The following PLXDC2 variants were observed in gnomAD, a reference collection of about 807,000 sequenced individuals.
PLXDC2 encodes plexin domain-containing protein 2.
PLXDC2 carries 40 observed loss-of-function variants against 68.9 expected under a neutral mutation model. The observed-to-expected ratio is 0.58, with a 90% CI of 0.45 to 0.76. The LOEUF (loss-of-function observed/expected upper bound fraction) is 0.76. PLXDC2 is among the 30% of genes least tolerant of loss of function. The pLI, the probability that PLXDC2 is intolerant of heterozygous loss-of-function variation, is 0.00. For synonymous variants in PLXDC2, 243 were observed against 234.2 expected (o/e 1.04, Z -0.34); for missense variants, 644 against 661.9 (o/e 0.97, Z 0.30).
chr10:20,036,935 C>G (rs1434509063), intron 2 of PLXDC2, among the ~76,000 whole-genome samples: 1 of 152,152 alleles, frequency 6.6e-6, no homozygotes, highest in Admixed American at 6.5e-5. Context: ...TAACTAGCTA[C>G]CTGTACTAGG....
intron 3 of PLXDC2, among the ~76,000 whole-genome samples, chr10:20,053,222 A>G (rs1338953476): frequency 6.6e-6 from 1 of 152,074 alleles, no homozygotes; most frequent in East Asian, 1.9e-4. Flanking sequence ...TGTATACTGG[A>G]ATTTGATTAC....
intron 1 of PLXDC2, among the ~76,000 whole-genome samples, chr10:19,859,186 A>T (rs74119763): frequency 6.6e-6 from 1 of 152,168 alleles, no homozygotes; most frequent in Admixed American, 6.5e-5. Flanking sequence ...AACACCTCCC[A>T]CCAGGCCCCA....
chr10:20,060,544 G>A (rs567347877), intron 3 of PLXDC2, among the ~76,000 whole-genome samples: 1 of 151,032 alleles, frequency 6.6e-6, no homozygotes, highest in Admixed American at 6.6e-5. Flanking sequence ...TGGGCGAGCA[G>A]GGGCCCCCTG....
intron 12 of PLXDC2, among the ~76,000 whole-genome samples, chr10:20,223,071 A>G (rs962283644): frequency 6.6e-6 from 1 of 152,090 alleles, no homozygotes; most frequent in African/African-American, 2.4e-5. Context: ...ATTGAATTGA[A>G]TGGTTGCTGT....
At chr10:20,221,110 T>G (rs11817883) in intron 12 of PLXDC2, among the ~76,000 whole-genome samples, 2,681 of 151,970 alleles carry the variant, frequency 0.018, 84 homozygotes, top group African/African-American at 0.06. Flanking sequence ...CCCAAAGTGC[T>G]GGGATTACAA....
intron 1 of PLXDC2, among the ~76,000 whole-genome samples, chr10:19,847,754 CG>C (rs1228959672): frequency 6.6e-6 from 1 of 152,156 alleles, no homozygotes; most frequent in Non-Finnish European, 1.5e-5. Flanking sequence ...AGGCAATTTA[CG>C]TGCATGATTA....
intron 10 of PLXDC2, among the ~76,000 whole-genome samples, chr10:20,214,877 G>A (rs973175093): frequency 3.3e-5 from 5 of 152,142 alleles, no homozygotes; most frequent in African/African-American, 1.2e-4. Flanking sequence ...TATATGGCAA[G>A]TTCCATTCTA....
rs1440087857 is a variant in PLXDC2, at chr10:20,282,503, C to T, written c.*2684C>T. On this transcript the variant is annotated 3_prime_UTR_variant, in exon 14 of 14. Coordinates refer to ENST00000377252, the MANE Select transcript of PLXDC2 (RefSeq NM_032812.9). ...TGGATAAATCAGATAAATGGTGCTA[C>T]AGAGGAATTTAGTTATTTCAGCTTA... 6.6e-6 allele frequency: 1 copy of T among 152,034 alleles called. No homozygotes were observed. Among genetic ancestry groups the T allele is most frequent in the Non-Finnish European group, 1.5e-5 (1 of 67,998 alleles). 9.4% of individuals were successfully genotyped at this position (152,034 alleles called of 1,614,324 possible). A position where few individuals can be genotyped will look rare whatever the true frequency, so the allele number is the denominator to read the frequency against.
At chr10:19,969,008 A>C (rs993099051) in intron 1 of PLXDC2, among the ~76,000 whole-genome samples, 1 of 152,256 alleles carries the variant, frequency 6.6e-6, no homozygotes, top group South Asian at 2.1e-4. Context: ...TGACATTTTT[A>C]ATAGCTGAAG....
chr10:20,124,074 A>G (rs953709211), intron 4 of PLXDC2, among the ~76,000 whole-genome samples: 1 of 152,096 alleles, frequency 6.6e-6, no homozygotes, highest in African/African-American at 2.4e-5. Flanking sequence ...CCCCTCCCAC[A>G]GAAAAGCGGA....
intron 9 of PLXDC2, among the ~76,000 whole-genome samples, chr10:20,184,042 G>T (rs1158736048): frequency 6.6e-6 from 1 of 151,536 alleles, no homozygotes; most frequent in Non-Finnish European, 1.5e-5. Flanking sequence ...AACAGAATAA[G>T]CCCCTCCTTA....
intron 3 of PLXDC2, among the ~76,000 whole-genome samples, chr10:20,065,046 T>A (rs1836180468): frequency 6.6e-6 from 1 of 152,132 alleles, no homozygotes; most frequent in Non-Finnish European, 1.5e-5. Flanking sequence ...CTTGAGCAAG[T>A]GCCATCTGGG....
At chr10:19,947,396 T>A (rs1469755282) in intron 1 of PLXDC2, among the ~76,000 whole-genome samples, 1 of 152,208 alleles carries the variant, frequency 6.6e-6, no homozygotes, top group Non-Finnish European at 1.5e-5. Context: ...GGCTATCAGG[T>A]TTGAATCCTG....
intron 2 of PLXDC2, among the ~76,000 whole-genome samples, chr10:20,012,114 T>C (rs1221985569): frequency 1.3e-5 from 2 of 152,150 alleles, no homozygotes; most frequent in Non-Finnish European, 2.9e-5. Flanking sequence ...GATAGGCCAT[T>C]ACAAATAGAG....
intron 1 of PLXDC2, among the ~76,000 whole-genome samples, chr10:20,001,160 A>G (rs1564652846): frequency 6.6e-6 from 1 of 152,164 alleles, no homozygotes; most frequent in Non-Finnish European, 1.5e-5. Context: ...ACAGATGAAC[A>G]AAAGTGCAGG....
chr10:20,098,036 T>A (rs1246935023), intron 4 of PLXDC2, among the ~76,000 whole-genome samples: 1 of 151,414 alleles, frequency 6.6e-6, no homozygotes, highest in Non-Finnish European at 1.5e-5. Flanking sequence ...ATATGGCGGA[T>A]ATAAAATATT....
intron 9 of PLXDC2, among the ~76,000 whole-genome samples, chr10:20,195,288 G>A (rs904482460): frequency 1.3e-5 from 2 of 152,168 alleles, no homozygotes; most frequent in Non-Finnish European, 2.9e-5. Context: ...GACAGAGCTC[G>A]AAGATCAGTG....
chr10:19,923,877 A>G (rs1245112644), intron 1 of PLXDC2, among the ~76,000 whole-genome samples: 4 of 152,218 alleles, frequency 2.6e-5, no homozygotes, highest in Admixed American at 6.5e-5. Flanking sequence ...CAGCTTGGGC[A>G]TCATAGCGAG....
chr10:20,047,379 T>C (rs1446720950), intron 3 of PLXDC2, among the ~76,000 whole-genome samples: 2 of 152,138 alleles, frequency 1.3e-5, no homozygotes, highest in African/African-American at 4.8e-5. Context: ...ATTTGGTATC[T>C]TCCCATTTAC....
Sources: gnomAD v4.1 joint callset for allele counts (sites outside exome capture counted in the v4.1 genomes callset) on GRCh38, gnomAD v4.1.1 for gene constraint, MANE v1.5 for transcripts, NCBI Gene and HGNC (gene_info 2026-07-23, HGNC 2026-07-21) for gene names.